P2RY14: variants seen among roughly 807,000 people sequenced by gnomAD.
P2RY14 encodes the protein P2Y purinoceptor 14.
P2RY14 carries 2 observed loss-of-function variants against 0.9 expected under a neutral mutation model. The ratio of observed to expected loss-of-function variants is 2.16; its 90% CI spans 0.88 to 6.79. P2RY14 has a LOEUF of 6.79. P2RY14 is among the 30% of genes most tolerant of loss of function. The pLI is 0.05. For synonymous variants in P2RY14, 158 were observed against 147.2 expected (o/e 1.07, Z -0.53); for missense variants, 378 against 400.1 (o/e 0.94, Z 0.47).
intron 1 of P2RY14, among the ~76,000 whole-genome samples, chr3:151,276,161 T>C (rs1227072367): frequency 6.6e-6 from 1 of 152,236 alleles, no homozygotes; most frequent in Non-Finnish European, 1.5e-5. Context: ...CACCCAAAAC[T>C]GAATGTGCAA....
chr3:151,214,829 A>C (rs952667735), intron 2 of P2RY14, among the ~76,000 whole-genome samples: 1 of 152,160 alleles, frequency 6.6e-6, no homozygotes, highest in Non-Finnish European at 1.5e-5. Context: ...GTAACTGTAA[A>C]AGCAGAATTA....
At chr3:151,275,530 G>A (rs1741705546) in intron 1 of P2RY14, among the ~76,000 whole-genome samples, 1 of 152,112 alleles carries the variant, frequency 6.6e-6, no homozygotes, top group Non-Finnish European at 1.5e-5. Flanking sequence ...AAAAGCATAT[G>A]ACCAGTATTT....
chr3:151,226,133 G>A (rs189288993), intron 1 of P2RY14, among the ~76,000 whole-genome samples: 1 of 152,342 alleles, frequency 6.6e-6, no homozygotes, highest in Admixed American at 6.5e-5. Context: ...ATCATTGAAG[G>A]AGGAAGCACA....
chr3:151,260,211 A>G (rs1738599952), intron 1 of P2RY14, among the ~76,000 whole-genome samples: 1 of 152,198 alleles, frequency 6.6e-6, no homozygotes, highest in Non-Finnish European at 1.5e-5. Flanking sequence ...AAGAGCCGCA[A>G]CGTCACCTTA....
intron 1 of P2RY14, among the ~76,000 whole-genome samples, chr3:151,244,303 A>G (rs1577094753): frequency 1.6e-5 from 2 of 125,618 alleles, no homozygotes; most frequent in Non-Finnish European, 3.6e-5. Context: ...CCCCAAATCA[A>G]CAGAATATAC....
At chr3:151,276,068 C>T (rs1191742052) in intron 1 of P2RY14, among the ~76,000 whole-genome samples, 1 of 152,190 alleles carries the variant, frequency 6.6e-6, no homozygotes, top group Non-Finnish European at 1.5e-5. Context: ...CAATCAAGGA[C>T]ACTTTTGAGA....
chr3:151,235,835 T>A (rs1043544400), intron 1 of P2RY14, among the ~76,000 whole-genome samples: 2 of 152,152 alleles, frequency 1.3e-5, no homozygotes, highest in Admixed American at 6.5e-5. Context: ...AAATGTCACC[T>A]TCTCAGCAAG....
intron 1 of P2RY14, among the ~76,000 whole-genome samples, chr3:151,236,889 G>T (rs1462074839): frequency 1.3e-5 from 2 of 151,982 alleles, no homozygotes; most frequent in Non-Finnish European, 2.9e-5. Context: ...TGTATTTGGG[G>T]TATTTCCAGG....
rs536619888 is a variant in P2RY14, at chr3:151,212,246, A to G, written c.*1054T>C. 2 of 152,336 alleles carry G rather than the reference A, an allele frequency of 1.3e-5. No homozygotes were observed. Among genetic ancestry groups the G allele is most frequent in the Admixed American group, 6.5e-5 (1 of 15,306 alleles). The allele number at this position is 152,336 out of a possible 1,614,324, so 9.4% of individuals were successfully genotyped here. A position where few individuals can be genotyped will look rare whatever the true frequency, so the allele number is the denominator to read the frequency against. The stretch of plus-strand genomic sequence containing the variant: ...ATGTCTTCTAGCCAGTTAATAGCAG[A>G]GAAAGAATTTAGTTTTGGTAGCTCA... On this transcript the variant is annotated 3_prime_UTR_variant, in exon 3 of 3. Transcript: ENST00000309170.
chr3:151,269,428 C>A (rs1740456226), intron 1 of P2RY14: 2 of 212,462 alleles, frequency 9.4e-6, no homozygotes, highest in African/African-American at 4.8e-5. Flanking sequence ...CACACACACA[C>A]ACACACACAC....
intron 1 of P2RY14, among the ~76,000 whole-genome samples, chr3:151,242,495 C>T (rs917072374): frequency 2.0e-5 from 3 of 152,212 alleles, no homozygotes; most frequent in Non-Finnish European, 4.4e-5. Flanking sequence ...AGGCACCCCC[C>T]AGCAGGGGCA....
chr3:151,225,685 T>C (rs1253520097), intron 1 of P2RY14, among the ~76,000 whole-genome samples: 1 of 152,192 alleles, frequency 6.6e-6, no homozygotes, highest in Non-Finnish European at 1.5e-5. Flanking sequence ...GTCCGTGCCC[T>C]GTCTAGGCTC....
chr3:151,215,484 C>T (rs1728028781), intron 2 of P2RY14, among the ~76,000 whole-genome samples: 1 of 152,020 alleles, frequency 6.6e-6, no homozygotes, highest in South Asian at 2.1e-4. Flanking sequence ...CTTTTTAAGA[C>T]TCTGGCTACT....
At chr3:151,257,740 T>C (rs779556989) in intron 1 of P2RY14, among the ~76,000 whole-genome samples, 1 of 152,212 alleles carries the variant, frequency 6.6e-6, no homozygotes, top group Non-Finnish European at 1.5e-5. Flanking sequence ...AGTGTAAACA[T>C]GGTATTTATG....
intron 1 of P2RY14, among the ~76,000 whole-genome samples, chr3:151,233,017 A>T (rs1035579386): frequency 2.6e-5 from 4 of 152,160 alleles, no homozygotes; most frequent in Non-Finnish European, 5.9e-5. Flanking sequence ...CAGACAGTGT[A>T]TGTGCTATTG....
chr3:151,253,169 G>C (rs1435472827), intron 1 of P2RY14, among the ~76,000 whole-genome samples: 1 of 152,144 alleles, frequency 6.6e-6, no homozygotes, highest in African/African-American at 2.4e-5. Flanking sequence ...CAGGCACCCT[G>C]TATAGTGATA....
At chr3:151,222,254 G>A (rs1489797622) in intron 1 of P2RY14, among the ~76,000 whole-genome samples, 1 of 152,218 alleles carries the variant, frequency 6.6e-6, no homozygotes, top group African/African-American at 2.4e-5. Flanking sequence ...TGTCTGGGAT[G>A]AGACTCTGGA....
At chr3:151,241,136 T>C (rs1224168385) in intron 1 of P2RY14, among the ~76,000 whole-genome samples, 1 of 152,182 alleles carries the variant, frequency 6.6e-6, no homozygotes, top group Non-Finnish European at 1.5e-5. Flanking sequence ...CACATAAAAA[T>C]TATGTAAAAT....
At chr3:151,273,414 T>TG (rs1741335742) in intron 1 of P2RY14, among the ~76,000 whole-genome samples, 1 of 147,312 alleles carries the variant, frequency 6.8e-6, no homozygotes, top group South Asian at 2.1e-4. Context: ...TTTTTTTTTT[T>TG]TTTTTTTTAG....
Sources: allele counts gnomAD v4.1 joint callset (sites outside exome capture counted in the v4.1 genomes callset), GRCh38; gene constraint gnomAD v4.1.1; transcripts MANE v1.5; gene names NCBI Gene and HGNC (gene_info 2026-07-23, HGNC 2026-07-21).